ZNF346: variants seen among roughly 807,000 people sequenced by gnomAD.
ZNF346 encodes the protein zinc finger protein 346, also known as double-stranded RNA-binding zinc finger protein JAZ.
ZNF346 carries 23 observed loss-of-function variants against 33.7 expected under a neutral mutation model. That is an observed-to-expected ratio of 0.68 (90% CI 0.49 to 0.97). The LOEUF is 0.97. Ranked by LOEUF, ZNF346 falls within the 50% of genes least tolerant of loss-of-function variation. The pLI is 0.00. For missense variants in ZNF346, 340 were observed against 371.1 expected, an observed-to-expected ratio of 0.92 and a Z score of 0.69; for synonymous variants, 134 against 142.4, an observed-to-expected ratio of 0.94 and a Z score of 0.42.
intron 4 of ZNF346, among the ~76,000 whole-genome samples, chr5:177,047,030 T>A (rs1452617995): frequency 6.8e-6 from 1 of 147,794 alleles, no homozygotes; most frequent in Admixed American, 6.7e-5. Flanking sequence ...TTTTATTTAT[T>A]TTTATTTATT....
chr5:177,064,590 G>C lies in ZNF346; in HGVS notation c.876G>C (p.Leu292Phe). 1 of 1,613,904 alleles carries C rather than the reference G, an allele frequency of 6.2e-7. No homozygotes were observed. The highest frequency in any genetic ancestry group is 8.5e-7 in the Non-Finnish European group (1 of 1,179,730). Reference sequence around the variant, plus strand: ...CCATTCAGAAAGACTCAACCACCTTGGAAGACTAGAGGTGATTCTGCCCAG... The same window carrying C: ...CCATTCAGAAAGACTCAACCACCTTCGAAGACTAGAGGTGATTCTGCCCAG... ...RQPIQKDSTT[L>F]ED Residue 292 changes from leucine (L) to phenylalanine (F), a missense_variant, in exon 7 of 7, where the codon TTG becomes TTC. Physicochemically the swap from Leu to Phe is conservative, Grantham distance 22. Coordinates refer to ENST00000358149, the MANE Select transcript of ZNF346 (RefSeq NM_012279.4).
Position 177,066,609 on chromosome 5 carries a change from T to C in ZNF346, c.*2010T>C, listed in dbSNP as rs902710648. Reference sequence around the variant, plus strand: ...ATGGCCAGGTGCGGCGTCATGCACCTATAGTCCCAGCTGCTCAGGAGGCTA... The same window carrying C: ...ATGGCCAGGTGCGGCGTCATGCACCCATAGTCCCAGCTGCTCAGGAGGCTA... On this transcript the variant is annotated 3_prime_UTR_variant, in exon 7 of 7. Coordinates refer to ENST00000358149, the MANE Select transcript of ZNF346 (RefSeq NM_012279.4). Among the ~76,000 whole-genome samples, 3 of 151,986 alleles carry C rather than the reference T, an allele frequency of 2.0e-5. No homozygotes were observed. The highest frequency in any genetic ancestry group is 2.9e-5 in the Non-Finnish European group (2 of 68,010).
chr5:177,076,240 CT>C (rs1264559649), intron 8 of ZNF346, among the ~76,000 whole-genome samples: 1 of 152,238 alleles, frequency 6.6e-6, no homozygotes, highest in African/African-American at 2.4e-5. Flanking sequence ...GGGAAACCAG[CT>C]AACGTGTTGT....
intron 5 of ZNF346, among the ~76,000 whole-genome samples, chr5:177,058,894 G>T (rs149129879): frequency 1.4e-4 from 22 of 152,298 alleles, no homozygotes; most frequent in South Asian, 2.1e-4. Flanking sequence ...CCTTAGCAAA[G>T]AATTTAGGTG....
chr5:177,036,743 TC>T (rs1384175865), intron 1 of ZNF346, among the ~76,000 whole-genome samples: 2 of 152,100 alleles, frequency 1.3e-5, no homozygotes, highest in African/African-American at 4.8e-5. Context: ...GTAAAGGAAA[TC>T]AAGTGATTTC....
chr5:177,032,128 G>A (rs1019786466), intron 1 of ZNF346, among the ~76,000 whole-genome samples: 2 of 143,360 alleles, frequency 1.4e-5, no homozygotes, highest in African/African-American at 5.1e-5. Flanking sequence ...TCAGCCTCCC[G>A]AGTAACTGGG....
intron 1 of ZNF346, among the ~76,000 whole-genome samples, chr5:177,033,678 C>A (rs1778052994): frequency 6.6e-6 from 1 of 152,142 alleles, no homozygotes; most frequent in South Asian, 2.1e-4. Flanking sequence ...CACCCGCCAC[C>A]ACACATGGCT....
At chr5:177,054,395 AT>A in intron 5 of ZNF346, among the ~76,000 whole-genome samples, 1 of 147,006 alleles carries the variant, frequency 6.8e-6, no homozygotes, top group Non-Finnish European at 1.5e-5. Flanking sequence ...TTATTTATTT[AT>A]TTTTTTATTT....
At chr5:177,041,339 T>C in intron 2 of ZNF346, 110 bp downstream of exon 2, 1 of 850,524 alleles carries the variant, frequency 1.2e-6, no homozygotes, top group Non-Finnish European at 2.0e-6. Flanking sequence ...CACCCAGATG[T>C]TGCCTCCATG....
At position 177,064,659 on chromosome 5, in the gene ZNF346, T is replaced by C. The variant is rs1455415672; in HGVS notation, c.*60T>C. 8 of 1,387,758 alleles carry C rather than the reference T, an allele frequency of 5.8e-6. No individual in the cohort carries two copies. The highest frequency in any genetic ancestry group is 8.2e-6 in the Non-Finnish European group (8 of 973,966). The allele number at this position is 1,387,758 out of a possible 1,614,324, so 86.0% of individuals were successfully genotyped here. A position where few individuals can be genotyped will look rare whatever the true frequency, so the allele number is the denominator to read the frequency against. On this transcript the variant is annotated 3_prime_UTR_variant, in exon 7 of 7. Coordinates refer to ENST00000358149, the MANE Select transcript of ZNF346 (RefSeq NM_012279.4). ...CCATGAGCCAGCTTCCCGTGACTGC[T>C]CAGCCCTTGGCTCCCTCTTGCTCGT...
intron 4 of ZNF346, 31 bp from the exon 5 acceptor site, chr5:177,050,720 A>G (rs750366832): frequency 4.3e-6 from 7 of 1,614,084 alleles, no homozygotes; most frequent in South Asian, 2.2e-5. Context: ...AAAACGCCTT[A>G]CAAATCCTTT....
At chr5:177,059,036 A>G (rs975623175) in intron 5 of ZNF346, among the ~76,000 whole-genome samples, 11 of 152,150 alleles carry the variant, frequency 7.2e-5, no homozygotes, top group African/African-American at 2.7e-4. Flanking sequence ...TGCCCGGCCT[A>G]TTTAGGTTTG....
At chr5:177,023,059 C>A in intron 1 of ZNF346, 146 bp downstream of exon 1, 1 of 1,437,232 alleles carries the variant, frequency 7.0e-7, no homozygotes, top group African/African-American at 1.4e-5. Flanking sequence ...CCCATCCGGG[C>A]GCGGGCACCC....
chr5:177,030,595 C>A (rs1269255952), intron 1 of ZNF346, among the ~76,000 whole-genome samples: 7 of 151,930 alleles, frequency 4.6e-5, no homozygotes, highest in African/African-American at 1.5e-4. Context: ...GCGTGAGCCA[C>A]CATGCCTGGC....
At chr5:177,031,998 C>CTTTTTTTTTTTTTTTTTTT (rs34021834) in intron 1 of ZNF346, among the ~76,000 whole-genome samples, 10 of 67,844 alleles carry the variant, frequency 1.5e-4, no homozygotes, top group Admixed American at 2.2e-4. Flanking sequence ...TTTCTTTTTT[C>CTTTTTTTTTTTTTTTTTTT]TTTTTTTTTT....
intron 5 of ZNF346, among the ~76,000 whole-genome samples, chr5:177,061,430 C>T (rs1374007094): frequency 6.6e-6 from 1 of 152,070 alleles, no homozygotes; most frequent in Admixed American, 6.6e-5. Flanking sequence ...GGCCACAGAG[C>T]GAGACTCCGT....
chr5:177,039,623 G>A (rs1779073663), intron 1 of ZNF346, among the ~76,000 whole-genome samples: 1 of 152,024 alleles, frequency 6.6e-6, no homozygotes, highest in African/African-American at 2.4e-5. Flanking sequence ...CACCACCCCC[G>A]GCTAGTTTTT....
chr5:177,030,433 A>G (rs1176812816), intron 1 of ZNF346, among the ~76,000 whole-genome samples: 1 of 151,926 alleles, frequency 6.6e-6, no homozygotes, highest in Non-Finnish European at 1.5e-5. Flanking sequence ...AGCATGGCCA[A>G]TATGGTGAAA....
chr5:177,025,385 T>C (rs186571384), intron 1 of ZNF346, among the ~76,000 whole-genome samples: 43 of 150,294 alleles, frequency 2.9e-4, no homozygotes, highest in Non-Finnish European at 2.8e-4. Flanking sequence ...CCCAAGTTTT[T>C]GTGTGAACAT....
Sources: allele counts gnomAD v4.1 joint callset (sites outside exome capture counted in the v4.1 genomes callset), GRCh38; gene constraint gnomAD v4.1.1; transcripts MANE v1.5; gene names NCBI Gene and HGNC (gene_info 2026-07-23, HGNC 2026-07-21).